The following FMN2 variants were observed in gnomAD, a reference collection of about 807,000 sequenced individuals.
FMN2 encodes formin 2.
A neutral mutation model predicts 142.3 loss-of-function variants in FMN2; 51 were observed. The ratio of observed to expected loss-of-function variants is 0.36; its 90% confidence interval spans 0.29 to 0.45. The LOEUF is 0.45. Among genes scored for constraint, FMN2 ranks in the 20% least tolerant of loss-of-function variants. The probability of loss-of-function intolerance (pLI) is 1.00; values close to 1 mark genes in which losing one functional copy is unlikely to be tolerated. For missense variants in FMN2, 1,936 were observed against 2,122.8 expected (o/e 0.91, Z 1.73); for synonymous variants, 882 against 869.8 (o/e 1.01, Z -0.25).
intron 7 of FMN2, among the ~76,000 whole-genome samples, chr1:240,284,926 G>A (rs954451160): frequency 6.6e-6 from 1 of 152,024 alleles, no homozygotes; most frequent in East Asian, 1.9e-4. Flanking sequence ...AACTCGCTGG[G>A]ATCTACTCTC....
chr1:240,297,770 A>G (rs1298396646), intron 8 of FMN2, among the ~76,000 whole-genome samples: 1 of 152,162 alleles, frequency 6.6e-6, no homozygotes, highest in Non-Finnish European at 1.5e-5. Flanking sequence ...TTGGGCTGCT[A>G]TAATAGAATA....
chr1:240,449,444 C>T (rs1010548011), intron 16 of FMN2, among the ~76,000 whole-genome samples: 1 of 152,052 alleles, frequency 6.6e-6, no homozygotes, highest in African/African-American at 2.4e-5. Context: ...ATTTTGAGCC[C>T]GTGGAAAGGA....
At chr1:240,183,023 C>T (rs1008177624) in intron 3 of FMN2, among the ~76,000 whole-genome samples, 17 of 151,538 alleles carry the variant, frequency 1.1e-4, no homozygotes, top group African/African-American at 4.1e-4. Context: ...CTCAAGTGAT[C>T]CTTCCACCTC....
intron 8 of FMN2, among the ~76,000 whole-genome samples, chr1:240,307,344 C>G (rs1219006176): frequency 6.6e-6 from 1 of 152,114 alleles, no homozygotes; most frequent in Non-Finnish European, 1.5e-5. Context: ...AAGAGTATTT[C>G]CTAGCTTTTC....
At chr1:240,343,620 G>C (rs992190885) in intron 13 of FMN2, among the ~76,000 whole-genome samples, 14 of 152,176 alleles carry the variant, frequency 9.2e-5, no homozygotes, top group African/African-American at 3.4e-4. Flanking sequence ...GAGTTAGGTA[G>C]TACCATGAGA....
chr1:240,223,819 T>G (rs1667205986), intron 6 of FMN2, among the ~76,000 whole-genome samples: 1 of 152,210 alleles, frequency 6.6e-6, no homozygotes, highest in African/African-American at 2.4e-5. Flanking sequence ...TTCTGTGGGA[T>G]CAGTGGTGAT....
At chr1:240,254,524 T>C (rs1668385942) in intron 6 of FMN2, among the ~76,000 whole-genome samples, 1 of 151,878 alleles carries the variant, frequency 6.6e-6, no homozygotes, top group Non-Finnish European at 1.5e-5. Flanking sequence ...CTGGCTGTGG[T>C]AAGTAGGATA....
At chr1:240,451,120 T>C (rs11589771) in intron 16 of FMN2, among the ~76,000 whole-genome samples, 130,635 of 152,102 alleles carry the variant, frequency 0.86, 56,408 homozygotes, top group Admixed American at 0.93. Flanking sequence ...GTAATCCTAG[T>C]GCTTTGGGAG....
intron 8 of FMN2, among the ~76,000 whole-genome samples, chr1:240,302,145 A>G (rs1401413403): frequency 6.6e-6 from 1 of 151,870 alleles, no homozygotes. Context: ...CAACCTCTCA[A>G]ATGAAAACAT....
At position 240,182,277 on chromosome 1, in the gene FMN2, A is replaced by C. The variant is rs187257001; in HGVS notation, c.1930+4209A>C. Among the ~76,000 whole-genome samples, 182 of 151,680 alleles carry C rather than the reference A, an allele frequency of 1.2e-3. 4 individuals are homozygous for C. In the South Asian group the frequency reaches 0.028, roughly 23 times the overall value. On this transcript the variant is annotated intron_variant, in intron 3 of 17. Coordinates refer to ENST00000319653, the MANE Select transcript of FMN2 (RefSeq NM_020066.5). ...GCAAGGTGTGTAGATGTGAATAGGG[A>C]CTTGATCATTGTCGTTTCCTCTGTG...
intron 14 of FMN2, among the ~76,000 whole-genome samples, chr1:240,360,678 T>C (rs2103053578): frequency 6.6e-6 from 1 of 152,266 alleles, no homozygotes; most frequent in Non-Finnish European, 1.5e-5. Flanking sequence ...TTACGTATGT[T>C]TATTGCGGCA....
chr1:240,327,270 G>C (rs1271605061), intron 8 of FMN2, among the ~76,000 whole-genome samples: 3 of 152,154 alleles, frequency 2.0e-5, no homozygotes, highest in African/African-American at 7.2e-5. Flanking sequence ...CAGAGGATCA[G>C]CTTCTCTGGC....
intron 14 of FMN2, among the ~76,000 whole-genome samples, chr1:240,358,448 A>T (rs957898568): frequency 2.0e-5 from 3 of 152,170 alleles, no homozygotes; most frequent in African/African-American, 4.8e-5. Flanking sequence ...AGTTCCGAAT[A>T]TGTTTCCTGT....
chr1:240,144,086 C>T, intron 2 of FMN2: 3 of 1,097,746 alleles, frequency 2.7e-6, no homozygotes, highest in East Asian at 2.4e-5. Flanking sequence ...GTACAGGTTA[C>T]TTCTCAATCT....
In FMN2 at chr1:240,258,156, G is replaced by A. The variant is rs143709375; in HGVS notation, c.4153+124G>A. The A allele has an allele frequency of 9.8e-4, 654 of 668,850 alleles. 7 individuals are homozygous for A. The African/African-American group carries it at 0.011, about 11-fold the overall frequency. 41.4% of individuals were successfully genotyped at this position (668,850 alleles called of 1,614,324 possible). A position where few individuals can be genotyped will look rare whatever the true frequency, so the allele number is the denominator to read the frequency against. On this transcript the variant is annotated intron_variant, in intron 7 of 17. Transcript: ENST00000319653. Reference sequence around the variant, plus strand: ...GTAAACCGAGGTTAGTATATATCCCGTAAGTGTGATCAAGCTATCTCCCAT... The same window carrying A: ...GTAAACCGAGGTTAGTATATATCCCATAAGTGTGATCAAGCTATCTCCCAT...
chr1:240,180,683 C>A (rs1665114747), intron 3 of FMN2, among the ~76,000 whole-genome samples: 1 of 151,112 alleles, frequency 6.6e-6, no homozygotes, highest in Admixed American at 6.6e-5. Flanking sequence ...TCTCCTGCCT[C>A]AGCCTCCGGA....
At chr1:240,441,229 A>G (rs1197779891) in intron 16 of FMN2, among the ~76,000 whole-genome samples, 1 of 152,032 alleles carries the variant, frequency 6.6e-6, no homozygotes, top group African/African-American at 2.4e-5. Flanking sequence ...TCTTGACCTC[A>G]TGATCCACCC....
intron 1 of FMN2, among the ~76,000 whole-genome samples, chr1:240,116,962 G>A (rs970549721): frequency 1.3e-5 from 2 of 151,994 alleles, no homozygotes; most frequent in Admixed American, 1.3e-4. Flanking sequence ...TGGCTCAAGG[G>A]AGGATTTGTT....
intron 15 of FMN2, among the ~76,000 whole-genome samples, chr1:240,417,509 A>C (rs1180729476): frequency 6.6e-6 from 1 of 152,000 alleles, no homozygotes; most frequent in Non-Finnish European, 1.5e-5. Context: ...TGTCTGGCTT[A>C]TGAGTCATAT....
Sources: allele counts gnomAD v4.1 joint callset (sites outside exome capture counted in the v4.1 genomes callset), GRCh38; gene constraint gnomAD v4.1.1; transcripts MANE v1.5; gene names NCBI Gene and HGNC (gene_info 2026-07-23, HGNC 2026-07-21).